Variants in KLF18 observed in about 807,000 individuals in gnomAD.
The protein encoded by KLF18 is Kruppel-like factor 18.
chr1:44,138,342 C>T (rs1219928359), intron 1 of KLF18, among the ~76,000 whole-genome samples: 1 of 152,142 alleles, frequency 6.6e-6, no homozygotes, highest in Non-Finnish European at 1.5e-5. Context: ...TACGAAGTGA[C>T]GGTCCCAGTA....
Position 44,139,985 on chromosome 1 carries a change from G to A in KLF18, c.1647C>T (p.Pro549=), listed in dbSNP as rs1572000043. 2.6e-6 allele frequency: 1 copy of A among 386,792 alleles called. No homozygotes were observed. Among genetic ancestry groups the A allele is most frequent in the Non-Finnish European group, 4.5e-6 (1 of 219,972 alleles). 24.0% of individuals were successfully genotyped at this position (386,792 alleles called of 1,614,324 possible). A position where few individuals can be genotyped will look rare whatever the true frequency, so the allele number is the denominator to read the frequency against. Residue 549 remains proline (P), a synonymous_variant, in exon 1 of 2, where the codon CCC becomes CCT. Transcript: ENST00000634670. ...QTLCGEQMTT[P]TSNQTLCGEQ... is the part of the protein sequence containing the mutation. ...CCCCACAGAGGGTCTGGTTACTAGT[G>A]GGGGTCGTCATCTGCTCTCCACAGA...
Position 44,137,892 on chromosome 1 carries a change from T to G in KLF18, c.3088A>C (p.Ser1030Arg), listed in dbSNP as rs905637869. Residue 1030 changes from serine to arginine, a missense_variant, in exon 2 of 2, where the codon AGC (serine) becomes CGC (arginine). Transcript: ENST00000634670. ...GERPYLCSIC[S>R]KNFARSDHLK... ...TGATCAGATCTTGCAAAATTCTTGC[T>G]GCATATTGAACACAGGTAGGGCCTT... The G allele has an allele frequency of 1.0e-5, 4 of 398,512 alleles. No homozygotes were observed. The highest frequency in any genetic ancestry group is 1.8e-5 in the Non-Finnish European group (4 of 226,098). The allele number at this position is 398,512 out of a possible 1,614,324, so 24.7% of individuals were successfully genotyped here.
rs987298578 is a variant in KLF18 at position 44,140,944 on chromosome 1, T to C, written c.688A>G (p.Asn230Asp). ...ATCTGCTCCCCACAGAGGGTCTGGT[T>C]ATCAATGGAAGTCATCATTTGCCCT... ...YGGQMMTSIDNQTLCGEQMTT... is the reference protein window; with the variant it reads ...YGGQMMTSIDDQTLCGEQMTT... Residue 230 changes from asparagine to aspartate, a missense_variant, in exon 1 of 2, where the codon AAC becomes GAC. By Grantham distance (23) the Asn-to-Asp change is conservative. Transcript: ENST00000634670. The C allele has an allele frequency of 5.0e-6, 2 of 398,762 alleles. No homozygotes were observed. Among genetic ancestry groups the C allele is most frequent in the African/African-American group, 4.1e-5 (2 of 48,746 alleles). 24.7% of individuals were successfully genotyped at this position (398,762 alleles called of 1,614,324 possible). A position where few individuals can be genotyped will look rare whatever the true frequency, so the allele number is the denominator to read the frequency against.
chr1:44,138,667 T>C lies in KLF18; in HGVS notation c.2965A>G (p.Thr989Ala), dbSNP rs911153171. The C allele has an allele frequency of 1.0e-5, 4 of 398,476 alleles. No individual in the cohort carries two copies. The highest frequency in any genetic ancestry group is 1.3e-5 in the Non-Finnish European group (3 of 226,058). The allele number at this position is 398,476 out of a possible 1,614,324, so 24.7% of individuals were successfully genotyped here. ...CHLRTHMRKH[T>A]GEKPYVCDVE... is the part of the protein sequence containing the mutation. ...CTGTTTCTGGGCCCTCACTCACCGG[T>C]GTGCTTGCGCATGTGGGTTCGGAGG... Residue 989 changes from threonine (T) to alanine (A), a missense_variant, in exon 1 of 2, where the codon ACC (threonine) becomes GCC (alanine). Thr to Ala is a moderately conservative substitution (Grantham distance 58). Transcript: ENST00000634670.
At position 44,140,852 on chromosome 1, in the gene KLF18, G is replaced by C. The variant is rs1020179620; in HGVS notation, c.780C>G (p.Thr260=). ...AGGTTGTCATCTGCTCTCCACAGAGGGTCTGGTTACCAGTGGAGGTCGTCA... is the reference window on the plus strand; with the variant it reads ...AGGTTGTCATCTGCTCTCCACAGAGCGTCTGGTTACCAGTGGAGGTCGTCA... ...RQMTTSTGNQ[T]LCGEQMTTST... is the part of the protein sequence containing the mutation. Residue 260 remains threonine, a synonymous_variant, in exon 1 of 2, where the codon ACC becomes ACG. Transcript: ENST00000634670. 6 of 387,858 alleles carry C rather than the reference G, an allele frequency of 1.5e-5. No individual in the cohort carries two copies. Among genetic ancestry groups the C allele is most frequent in the African/African-American group, 1.2e-4 (6 of 48,440 alleles). 24.0% of individuals were successfully genotyped at this position (387,858 alleles called of 1,614,324 possible).
In KLF18 at chr1:44,141,073, T is replaced by C. The variant is rs894787458; in HGVS notation, c.559A>G (p.Thr187Ala). Reference protein sequence around the residue: ...DNQTLCGDQVTFSSDQTLTDG... With the variant: ...DNQTLCGDQVAFSSDQTLTDG... ...GTGAGGGTCTGGTCACTACTGAAGG[T>C]CACCTGGTCCCCACAGAGAGTCTGG... Residue 187 changes from threonine to alanine, a missense_variant, in exon 1 of 2, where the codon ACC (threonine) becomes GCC (alanine). Physicochemically the swap from Thr to Ala is moderately conservative, Grantham distance 58. Transcript: ENST00000634670. 1.3e-5 allele frequency: 5 copies of C among 398,486 alleles called. No homozygotes were observed. The highest frequency in any genetic ancestry group is 2.2e-5 in the Non-Finnish European group (5 of 226,110). 24.7% of individuals were successfully genotyped at this position (398,486 alleles called of 1,614,324 possible).
In KLF18 at chr1:44,139,676, G is replaced by C. The variant is rs532682196; in HGVS notation, c.1956C>G (p.Thr652=). 70 of 397,366 alleles carry C rather than the reference G, an allele frequency of 1.8e-4. 1 individual carries two copies. Among genetic ancestry groups the C allele is most frequent in the African/African-American group, 1.4e-3 (69 of 48,180 alleles). 24.6% of individuals were successfully genotyped at this position (397,366 alleles called of 1,614,324 possible). A position where few individuals can be genotyped will look rare whatever the true frequency, so the allele number is the denominator to read the frequency against. ...EQMTTSTSNQ[T]LCEEQVMTST... ...AGGTCATCACCTGCTCCTCACAGAG[G>C]GTCTGGTTACTAGTGGAGGTTGTCA... The change falls in exon 1 of 2, where the codon ACC becomes ACG. Residue 652 remains threonine, a synonymous_variant. Coordinates refer to ENST00000634670, the MANE Select transcript of KLF18 (RefSeq NM_001358438.1).
Position 44,138,688 on chromosome 1 carries a change from G to A in KLF18, c.2944C>T (p.Arg982Ter), listed in dbSNP as rs1054298865. Reference protein sequence around the residue: ...KMSYSKACHLRTHMRKHTGEK... With the variant: ...KMSYSKACHL ...CCGGTGTGCTTGCGCATGTGGGTTC[G>A]GAGGTGGCAAGCCTTTGAATAAGAC... The change falls in exon 1 of 2, where the codon CGA becomes TGA. Residue 982 changes from arginine to a stop codon, truncating the protein, a stop_gained. Transcript: ENST00000634670. LOFTEE classifies it low-confidence loss of function (END_TRUNC). The A allele has an allele frequency of 2.0e-5, 8 of 398,616 alleles. No individual in the cohort carries two copies. The highest frequency in any genetic ancestry group is 3.6e-5 in the East Asian group (1 of 28,082). 24.7% of individuals were successfully genotyped at this position (398,616 alleles called of 1,614,324 possible).
chr1:44,141,025 C>T lies in KLF18; in HGVS notation c.607G>A (p.Gly203Ser), dbSNP rs902252203. 44 of 398,352 alleles carry T rather than the reference C, an allele frequency of 1.1e-4. No individual in the cohort carries two copies. Among genetic ancestry groups the T allele is most frequent in the East Asian group, 5.3e-4 (15 of 28,058 alleles). 24.7% of individuals were successfully genotyped at this position (398,352 alleles called of 1,614,324 possible). A position where few individuals can be genotyped will look rare whatever the true frequency, so the allele number is the denominator to read the frequency against. Residue 203 changes from glycine to serine, a missense_variant, in exon 1 of 2, where the codon GGT (glycine) becomes AGT (serine). Coordinates refer to ENST00000634670, the MANE Select transcript of KLF18 (RefSeq NM_001358438.1). ...CCCCCAGAGAGGGTCTCATCGCTAC[C>T]GGAAGTCACTGTATGACCATCAGTG... ...TLTDGHTVTS[G>S]SDETLSGGQM...
rs1179950968 is a variant in KLF18, at chr1:44,140,224, T to C, written c.1408A>G (p.Thr470Ala). The C allele has an allele frequency of 7.6e-5, 30 of 392,928 alleles. No homozygotes were observed. In the East Asian group the frequency reaches 1.0e-3, roughly 14 times the overall value. The allele number at this position is 392,928 out of a possible 1,614,324, so 24.3% of individuals were successfully genotyped here. ...EQTTTSTSNQ[T>A]LCGEQVTTST... ...GTCGTCACCTGCTCCCCACAGAGGG[T>C]CTGGTTACTAGTGGAGGTCGTCGTC... Residue 470 changes from threonine (T) to alanine (A), a missense_variant, in exon 1 of 2, where the codon ACC becomes GCC. Coordinates refer to ENST00000634670, the MANE Select transcript of KLF18 (RefSeq NM_001358438.1).
Position 44,138,742 on chromosome 1 carries a change from A to G in KLF18, c.2890T>C (p.Tyr964His), listed in dbSNP as rs1643191508. Residue 964 changes from tyrosine (Y) to histidine (H), a missense_variant, in exon 1 of 2, where the codon TAT (tyrosine) becomes CAT (histidine). Tyr to His is a moderately conservative substitution (Grantham distance 83). Transcript: ENST00000634670. ...TTGCAGTCCTCGTAAGTGCAGACAT[A>G]GGGCCTTGAAACCTCAGGATTCTTC... ...FWKNPEVSRP[Y>H]VCTYEDCKMS... 1 of 398,512 alleles carries G rather than the reference A, an allele frequency of 2.5e-6. No individual in the cohort carries two copies. The highest frequency in any genetic ancestry group is 4.4e-5 in the Admixed American group (1 of 22,714). 24.7% of individuals were successfully genotyped at this position (398,512 alleles called of 1,614,324 possible). A position where few individuals can be genotyped will look rare whatever the true frequency, so the allele number is the denominator to read the frequency against.
In KLF18 at chr1:44,141,568, G is replaced by A. The variant is rs562533020; in HGVS notation, c.64C>T (p.Arg22Trp). Reference sequence around the variant, plus strand: ...GGGGTTTCTGCCTGTTCTGTATGCCGCTCAGAGAGATGCTGGAAAAATTTC... The same window carrying A: ...GGGGTTTCTGCCTGTTCTGTATGCCACTCAGAGAGATGCTGGAAAAATTTC... Reference protein sequence around the residue: ...IEKFFQHLSERHTEQAETPDA... With the variant: ...IEKFFQHLSEWHTEQAETPDA... The change falls in exon 1 of 2, where the codon CGG becomes TGG. Residue 22 changes from arginine to tryptophan, a missense_variant. Physicochemically the swap from Arg to Trp is moderately radical, Grantham distance 101. Coordinates refer to ENST00000634670, the MANE Select transcript of KLF18 (RefSeq NM_001358438.1). The A allele has an allele frequency of 1.0e-5, 4 of 398,428 alleles. No homozygotes were observed. The highest frequency in any genetic ancestry group is 3.6e-5 in the East Asian group (1 of 28,078). The allele number at this position is 398,428 out of a possible 1,614,324, so 24.7% of individuals were successfully genotyped here. A position where few individuals can be genotyped will look rare whatever the true frequency, so the allele number is the denominator to read the frequency against.
In KLF18 at chr1:44,138,778, A is replaced by G; in HGVS notation, c.2854T>C (p.Cys952Arg). ...GQLPKQKTQS[C>R]QFWKNPEVSR... The stretch of plus-strand genomic sequence containing the variant: ...ACCTCAGGATTCTTCCAGAACTGGC[A>G]GCTCTGTGTCTTCTGTTTTGGGAGT... The change falls in exon 1 of 2, where the codon TGC becomes CGC. Residue 952 changes from cysteine to arginine, a missense_variant. Coordinates refer to ENST00000634670, the MANE Select transcript of KLF18 (RefSeq NM_001358438.1). 1 of 398,634 alleles carries G rather than the reference A, an allele frequency of 2.5e-6. No homozygotes were observed. Among genetic ancestry groups the G allele is most frequent in the Non-Finnish European group, 4.4e-6 (1 of 226,084 alleles). 24.7% of individuals were successfully genotyped at this position (398,634 alleles called of 1,614,324 possible).
At position 44,140,839 on chromosome 1, in the gene KLF18, G is replaced by A. The variant is rs1643232576; in HGVS notation, c.793C>T (p.Gln265Ter). 7.5e-6 allele frequency: 3 copies of A among 398,372 alleles called. No homozygotes were observed. The highest frequency in any genetic ancestry group is 1.3e-5 in the Non-Finnish European group (3 of 226,118). 24.7% of individuals were successfully genotyped at this position (398,372 alleles called of 1,614,324 possible). A position where few individuals can be genotyped will look rare whatever the true frequency, so the allele number is the denominator to read the frequency against. ...STGNQTLCGE[Q>*]MTTSTGNQAL... ...TGGTTACCAGTGGAGGTTGTCATCTGCTCTCCACAGAGGGTCTGGTTACCA... is the reference window on the plus strand; with the variant it reads ...TGGTTACCAGTGGAGGTTGTCATCTACTCTCCACAGAGGGTCTGGTTACCA... The change falls in exon 1 of 2, where the codon CAG (glutamine) becomes TAG (stop). Residue 265 changes from glutamine to a stop codon, truncating the protein, a stop_gained. Coordinates refer to ENST00000634670, the MANE Select transcript of KLF18 (RefSeq NM_001358438.1). LOFTEE classifies it high-confidence loss of function.
rs1362484919 is a variant in KLF18, at chr1:44,141,432, G to A, written c.200C>T (p.Thr67Ile). ...TMPPLGSTMM[T>I]SACTNIPGTV... ...CCCAGGGATGTTAGTGCATGCAGAA[G>A]TCATCATTGTGGACCCCAAGGGAGG... Residue 67 changes from threonine (T) to isoleucine (I), a missense_variant, in exon 1 of 2, where the codon ACT (threonine) becomes ATT (isoleucine). Transcript: ENST00000634670. The A allele has an allele frequency of 2.0e-5, 8 of 398,666 alleles. No homozygotes were observed. In the East Asian group the frequency reaches 2.9e-4, roughly 14 times the overall value. The allele number at this position is 398,666 out of a possible 1,614,324, so 24.7% of individuals were successfully genotyped here.
At position 44,137,960 on chromosome 1, in the gene KLF18, C is replaced by A. The variant is rs376287364; in HGVS notation, c.3020G>T (p.Arg1007Leu). 7.5e-6 allele frequency: 3 copies of A among 398,568 alleles called. No homozygotes were observed. Among genetic ancestry groups the A allele is most frequent in the Admixed American group, 4.4e-5 (1 of 22,702 alleles). The allele number at this position is 398,568 out of a possible 1,614,324, so 24.7% of individuals were successfully genotyped here. A position where few individuals can be genotyped will look rare whatever the true frequency, so the allele number is the denominator to read the frequency against. The stretch of plus-strand genomic sequence containing the variant: ...CTTGTGTCTGTTGAGCTCATCTGAG[C>A]GGGCAAATTTCCACGTACATCCCTC... ...DVEGCTWKFARSDELNRHKKR... is the reference protein window; with the variant it reads ...DVEGCTWKFALSDELNRHKKR... The change falls in exon 2 of 2, where the codon CGC becomes CTC. Residue 1007 changes from arginine to leucine, a missense_variant. By Grantham distance (102) the Arg-to-Leu change is moderately radical. Coordinates refer to ENST00000634670, the MANE Select transcript of KLF18 (RefSeq NM_001358438.1).
chr1:44,140,785 A>T lies in KLF18; in HGVS notation c.847T>A (p.Ser283Thr), dbSNP rs1643232082. The T allele has an allele frequency of 2.5e-6, 1 of 396,824 alleles. No homozygotes were observed. The highest frequency in any genetic ancestry group is 2.1e-5 in the African/African-American group (1 of 47,776). The allele number at this position is 396,824 out of a possible 1,614,324, so 24.6% of individuals were successfully genotyped here. A position where few individuals can be genotyped will look rare whatever the true frequency, so the allele number is the denominator to read the frequency against. ...QALYGGQMTT[S>T]ASNQTLCGEQ... is the part of the protein sequence containing the mutation. ...CCACAGAGGGTCTGGTTACTAGCGG[A>T]GGTCGTCATCTGCCCCCCATAGAGG... is the stretch of plus-strand genomic sequence containing the variant. The change falls in exon 1 of 2, where the codon TCC (serine) becomes ACC (threonine). Residue 283 changes from serine (S) to threonine (T), a missense_variant. Physicochemically the swap from Ser to Thr is moderately conservative, Grantham distance 58. Coordinates refer to ENST00000634670, the MANE Select transcript of KLF18 (RefSeq NM_001358438.1).
rs1034723445 is a variant in KLF18 at position 44,140,888 on chromosome 1, G to A, written c.744C>T (p.Tyr248=). 12 of 378,454 alleles carry A rather than the reference G, an allele frequency of 3.2e-5. 1 individual carries two copies. Among genetic ancestry groups the A allele is most frequent in the African/African-American group, 2.1e-4 (10 of 47,240 alleles). 23.4% of individuals were successfully genotyped at this position (378,454 alleles called of 1,614,324 possible). A position where few individuals can be genotyped will look rare whatever the true frequency, so the allele number is the denominator to read the frequency against. Residue 248 remains tyrosine (Y), a synonymous_variant, in exon 1 of 2, where the codon TAC becomes TAT. Transcript: ENST00000634670. The part of the protein sequence containing the change: ...MTTSSGNQAF[Y]GRQMTTSTGN... The stretch of plus-strand genomic sequence containing the variant: ...CAGTGGAGGTCGTCATCTGTCTCCC[G>A]TAGAAGGCCTGGTTACCACTGGAGG...
chr1:44,138,582 G>C (rs1032373876), intron 1 of KLF18, 82 bp downstream of exon 1: 16 of 396,962 alleles, frequency 4.0e-5, no homozygotes, highest in Non-Finnish European at 6.2e-5. Flanking sequence ...TGGCTTAAAG[G>C]AAGTGGCAGC....
Sources: allele counts gnomAD v4.1 joint callset (sites outside exome capture counted in the v4.1 genomes callset), GRCh38; gene constraint gnomAD v4.1.1; transcripts MANE v1.5; gene names NCBI Gene and HGNC (gene_info 2026-07-23, HGNC 2026-07-21).